ARHGAP20: variants seen among roughly 807,000 people sequenced by gnomAD.
ARHGAP20 encodes rho GTPase-activating protein 20.
Under a neutral mutation model 73.7 loss-of-function variants are expected in ARHGAP20, and 34 were observed. That is an observed-to-expected ratio of 0.46 (90% confidence interval 0.35 to 0.61). The LOEUF (loss-of-function observed/expected upper bound fraction) is 0.61, where lower values mean the gene tolerates loss of function less well. Among genes scored for constraint, ARHGAP20 ranks in the 20% least tolerant of loss-of-function variants. The probability of loss-of-function intolerance (pLI) is 0.00; values close to 1 mark genes in which losing one functional copy is unlikely to be tolerated. For missense variants in ARHGAP20, 1,314 were observed against 1,420.9 expected, an observed-to-expected ratio of 0.92 and a Z score of 1.21; for synonymous variants, 523 against 518.2, an observed-to-expected ratio of 1.01 and a Z score of -0.13.
At chr11:110,616,953 C>A (rs1315269364) in intron 4 of ARHGAP20, among the ~76,000 whole-genome samples, 7 of 151,936 alleles carry the variant, frequency 4.6e-5, no homozygotes, top group Non-Finnish European at 8.8e-5. Flanking sequence ...ATAGAGAAAA[C>A]TGCACAAAGC....
At chr11:110,678,531 A>T (rs1335033309) in intron 2 of ARHGAP20, among the ~76,000 whole-genome samples, 1 of 152,216 alleles carries the variant, frequency 6.6e-6, no homozygotes. Context: ...CATAAAACAT[A>T]TTAATACATG....
At chr11:110,625,294 C>T (rs1472750016) in intron 3 of ARHGAP20, among the ~76,000 whole-genome samples, 1 of 151,796 alleles carries the variant, frequency 6.6e-6, no homozygotes, top group African/African-American at 2.4e-5. Flanking sequence ...GCCTCGGCCT[C>T]CCAAAGTGCT....
rs375439569 is a variant in ARHGAP20, at chr11:110,580,678, A to G, written c.2268T>C (p.Cys756=). 49 of 1,613,860 alleles carry G rather than the reference A, an allele frequency of 3.0e-5. No homozygotes were observed. The African/African-American group carries it at 5.6e-4, about 18-fold the overall frequency. Residue 756 remains cysteine (C), a synonymous_variant, in exon 15 of 15, where the codon TGT becomes TGC. Transcript: ENST00000683387. ...TGCCTGTGACTAAACTCTGTTTAAA[A>G]CATGTCTTTCCTTCCTCCTGGAGGG... ...NQPLQEEGKT[C]FKQSLVTGTD... is the part of the protein sequence containing the mutation.
chr11:110,659,257 T>C (rs1234708987), intron 2 of ARHGAP20, among the ~76,000 whole-genome samples: 1 of 139,494 alleles, frequency 7.2e-6, no homozygotes, highest in Admixed American at 7.3e-5. Context: ...CCATTCTAAC[T>C]GGTGTGAGAT....
Position 110,579,292 on chromosome 11 carries a change from A to G in ARHGAP20, c.*78T>C, listed in dbSNP as rs1399230990. On this transcript the variant is annotated 3_prime_UTR_variant, in exon 15 of 15. Coordinates refer to ENST00000683387, the MANE Select transcript of ARHGAP20 (RefSeq NM_001384657.1). ...ATGCTACCTCTCCCAGGTATCTTAT[A>G]CAAAGGGGTCATAATAATTATTGTC... The G allele has an allele frequency of 2.0e-6, 3 of 1,483,434 alleles. No homozygotes were observed. Among genetic ancestry groups the G allele is most frequent in the East Asian group, 2.3e-5 (1 of 43,672 alleles). The allele number at this position is 1,483,434 out of a possible 1,614,324, so 91.9% of individuals were successfully genotyped here.
At chr11:110,611,203 T>G in intron 7 of ARHGAP20, 106 bp downstream of exon 7, 1 of 631,300 alleles carries the variant, frequency 1.6e-6, no homozygotes. Flanking sequence ...AATATGACTT[T>G]GGTATCTCTA....
At chr11:110,591,609 G>A (rs941580340) in intron 10 of ARHGAP20, among the ~76,000 whole-genome samples, 2 of 152,166 alleles carry the variant, frequency 1.3e-5, no homozygotes, top group African/African-American at 4.8e-5. Flanking sequence ...AAATAAAACG[G>A]ATTTAAAAAC....
chr11:110,652,946 C>T (rs1174812982), intron 2 of ARHGAP20, among the ~76,000 whole-genome samples: 2 of 152,034 alleles, frequency 1.3e-5, no homozygotes, highest in African/African-American at 4.8e-5. Flanking sequence ...CTTTGACAAA[C>T]CTGACAAAAA....
intron 1 of ARHGAP20, among the ~76,000 whole-genome samples, chr11:110,692,457 C>G (rs1950261698): frequency 1.3e-5 from 2 of 152,092 alleles, no homozygotes; most frequent in South Asian, 4.1e-4. Flanking sequence ...AATGTACCCA[C>G]TCTTGTAAGC....
rs1033025805 is a variant in ARHGAP20, at chr11:110,700,067, T to C, written c.106-9438A>G. Among the ~76,000 whole-genome samples the C allele has an allele frequency of 1.4e-4, 22 of 152,048 alleles. 1 individual carries two copies. Among genetic ancestry groups the C allele is most frequent in the Admixed American group, 6.6e-4 (10 of 15,228 alleles). On this transcript the variant is annotated intron_variant, in intron 1 of 14. Transcript: ENST00000683387. ...TTAACTTCATGACAGCCAAGAGATA[T>C]AGTACTATTTTTGGAACCTCTAAAT...
chr11:110,670,286 C>T (rs12225610), intron 2 of ARHGAP20, among the ~76,000 whole-genome samples: 3 of 151,838 alleles, frequency 2.0e-5, no homozygotes, highest in Admixed American at 2.0e-4. Context: ...AGCTACAAAA[C>T]TAGAAGCTGG....
intron 1 of ARHGAP20, among the ~76,000 whole-genome samples, chr11:110,706,938 T>C (rs1591196972): frequency 6.6e-6 from 1 of 152,160 alleles, no homozygotes; most frequent in Non-Finnish European, 1.5e-5. Flanking sequence ...TTTCTCAGTA[T>C]TGAAGAGTAA....
chr11:110,665,610 A>C lies in ARHGAP20; in HGVS notation c.188+24937T>G, dbSNP rs913809160. 5.3e-5 allele frequency among the ~76,000 whole-genome samples: 8 copies of C among 152,286 alleles called. 1 individual carries two copies. In the East Asian group the frequency reaches 1.4e-3, roughly 26 times the overall value. The stretch of plus-strand genomic sequence containing the variant: ...CCAGCTTGAGGAGACAGAGTTGAGA[A>C]ATCAAGGAGGCCAACTTAGATAGAA... On this transcript the variant is annotated intron_variant, in intron 2 of 14. Transcript: ENST00000683387.
intron 12 of ARHGAP20, 39 bp downstream of exon 12, chr11:110,586,177 T>A (rs1947659835): frequency 5.7e-6 from 6 of 1,057,360 alleles, no homozygotes; most frequent in Non-Finnish European, 7.9e-6. Flanking sequence ...AAAATATTTT[T>A]AAAGTATTTT....
Position 110,580,197 on chromosome 11 carries a change from G to C in ARHGAP20, c.2749C>G (p.Gln917Glu), listed in dbSNP as rs200300744. ...GGGGGTAAAACCTTCTCAGTGTTTT[G>C]GTTTGTGGCACTACTCTTGCCCACC... The part of the protein sequence containing the change: ...IEVGKSSATN[Q>E]NTEKVLPPRL... Residue 917 changes from glutamine (Q) to glutamate (E), a missense_variant, in exon 15 of 15, where the codon CAA (glutamine) becomes GAA (glutamate). Around this residue, in one of 3 missense-constraint regions of ARHGAP20, gnomAD observed 641 missense variants for 636.9 expected, o/e 1.01. Transcript: ENST00000683387. 2 of 1,614,160 alleles carry C rather than the reference G, an allele frequency of 1.2e-6. No homozygotes were observed. The highest frequency in any genetic ancestry group is 2.7e-5 in the African/African-American group (2 of 75,038).
At chr11:110,660,738 T>C (rs149445755) in intron 2 of ARHGAP20, among the ~76,000 whole-genome samples, 19 of 152,354 alleles carry the variant, frequency 1.2e-4, no homozygotes, top group African/African-American at 4.3e-4. Flanking sequence ...GAAACAAGCA[T>C]GTGCTGTTGC....
chr11:110,650,813 C>G (rs1352395739), intron 2 of ARHGAP20, among the ~76,000 whole-genome samples: 11 of 152,148 alleles, frequency 7.2e-5, no homozygotes. Context: ...TGCTAACAGA[C>G]TCTAATTCAG....
At chr11:110,677,978 C>T (rs1428664822) in intron 2 of ARHGAP20, among the ~76,000 whole-genome samples, 3 of 152,090 alleles carry the variant, frequency 2.0e-5, no homozygotes, top group Admixed American at 2.0e-4. Context: ...ACCTAAATGT[C>T]CATCAATTAA....
chr11:110,617,146 T>G (rs1948501700), intron 4 of ARHGAP20, among the ~76,000 whole-genome samples: 1 of 152,250 alleles, frequency 6.6e-6, no homozygotes, highest in African/African-American at 2.4e-5. Flanking sequence ...TATATAAATG[T>G]AACCATAAAG....
Sources: allele counts gnomAD v4.1 joint callset (sites outside exome capture counted in the v4.1 genomes callset), GRCh38; gene constraint gnomAD v4.1.1; regional missense constraint gnomAD v4.1.1; transcripts MANE v1.5; gene names NCBI Gene and HGNC (gene_info 2026-07-23, HGNC 2026-07-21).